ROBO2: variants seen among roughly 807,000 people sequenced by gnomAD.
ROBO2 encodes the protein roundabout guidance receptor 2.
ROBO2 carries 53 observed loss-of-function variants against 160.8 expected under a neutral mutation model. The ratio of observed to expected loss-of-function variants is 0.33; its 90% CI spans 0.26 to 0.41. ROBO2 has a LOEUF of 0.41. Ranked by LOEUF, ROBO2 falls within the 10% of genes least tolerant of loss-of-function variation. ROBO2 has a pLI of 1.00. For synonymous variants in ROBO2, 664 were observed against 611.7 expected, an observed-to-expected ratio of 1.09 and a Z score of -1.26; for missense variants, 1,577 against 1,722.4, an observed-to-expected ratio of 0.92 and a Z score of 1.49.
chr3:77,225,606 C>CTT (rs2086394957), intron 2 of ROBO2, among the ~76,000 whole-genome samples: 1 of 151,920 alleles, frequency 6.6e-6, no homozygotes, highest in South Asian at 2.1e-4. Context: ...CTCTGTGGGT[C>CTT]ATTTTTGATT....
chr3:75,995,827 G>A (rs1432038232), intron 2 of ROBO2, among the ~76,000 whole-genome samples: 6 of 152,198 alleles, frequency 3.9e-5, no homozygotes, highest in Admixed American at 2.6e-4. Flanking sequence ...TGTCCTGGAG[G>A]TGAGACTTGG....
At chr3:75,914,915 T>C (rs763441234) in intron 1 of ROBO2, among the ~76,000 whole-genome samples, 61 of 152,322 alleles carry the variant, frequency 4.0e-4, no homozygotes, top group African/African-American at 1.4e-3. Flanking sequence ...TGCGTGTACA[T>C]GTGGCCCTCA....
intron 2 of ROBO2, among the ~76,000 whole-genome samples, chr3:76,979,593 G>GGT (rs149940820): frequency 0.012 from 1,714 of 147,734 alleles, 20 homozygotes; most frequent in East Asian, 0.03. Flanking sequence ...GTGTGTGTGT[G>GGT]GTGTGTGTGT....
chr3:77,556,331 G>A (rs1286772642), intron 8 of ROBO2, among the ~76,000 whole-genome samples: 1 of 151,798 alleles, frequency 6.6e-6, no homozygotes, highest in African/African-American at 2.4e-5. Flanking sequence ...GTAAGAATTT[G>A]ATGAAAAAAG....
At chr3:76,451,312 G>C (rs1392762319) in intron 2 of ROBO2, among the ~76,000 whole-genome samples, 1 of 152,102 alleles carries the variant, frequency 6.6e-6, no homozygotes, top group Non-Finnish European at 1.5e-5. Context: ...ATTTGTTCCT[G>C]TTTTTGTAGT....
chr3:76,336,206 G>T (rs1054902321), intron 2 of ROBO2, among the ~76,000 whole-genome samples: 11 of 150,334 alleles, frequency 7.3e-5, no homozygotes, highest in African/African-American at 2.7e-4. Flanking sequence ...GATAACTTGA[G>T]ATCACTGTAT....
intron 2 of ROBO2, among the ~76,000 whole-genome samples, chr3:76,749,444 G>T (rs887874684): frequency 1.3e-4 from 20 of 152,000 alleles, no homozygotes; most frequent in African/African-American, 4.1e-4. Flanking sequence ...CTTATTAAAA[G>T]ATATCAGAGA....
intron 23 of ROBO2, chr3:77,629,710 CT>C (rs1165463751): frequency 6.6e-6 from 1 of 152,076 alleles, no homozygotes; most frequent in Non-Finnish European, 1.5e-5. Context: ...AATAAACTTT[CT>C]AAGAGTTCTT....
At chr3:77,248,546 G>T (rs981539101) in intron 2 of ROBO2, among the ~76,000 whole-genome samples, 1 of 152,174 alleles carries the variant, frequency 6.6e-6, no homozygotes, top group African/African-American at 2.4e-5. Flanking sequence ...CCTGGAGGCT[G>T]TCGCGGGGCC....
chr3:76,222,497 A>G lies in ROBO2; in HGVS notation c.109+284895A>G, dbSNP rs1704032341. Among the ~76,000 whole-genome samples the G allele has an allele frequency of 2.2e-5, 3 of 138,228 alleles. No homozygotes were observed. The South Asian group carries it at 7.1e-4, about 33-fold the overall frequency. 90.7% of individuals were successfully genotyped at this position (138,228 alleles called of 152,430 possible). On this transcript the variant is annotated intron_variant, in intron 2 of 26. Coordinates refer to the ROBO2 transcript ENST00000487694. ...CAACCCGCCCAACCCTTGAGATCTTATTGGGAAGCTGCTGATAACCAGTTT... is the reference window on the plus strand; with the variant it reads ...CAACCCGCCCAACCCTTGAGATCTTGTTGGGAAGCTGCTGATAACCAGTTT...
chr3:77,486,426 T>C (rs1560971792), intron 4 of ROBO2, among the ~76,000 whole-genome samples: 1 of 152,202 alleles, frequency 6.6e-6, no homozygotes, highest in African/African-American at 2.4e-5. Flanking sequence ...CACCAGCATC[T>C]GTTGTTACTT....
At chr3:76,863,512 C>T (rs956182911) in intron 2 of ROBO2, among the ~76,000 whole-genome samples, 4 of 151,538 alleles carry the variant, frequency 2.6e-5, no homozygotes, top group Non-Finnish European at 4.4e-5. Context: ...TTATCTATTA[C>T]GCCTTCCTAT....
intron 2 of ROBO2, among the ~76,000 whole-genome samples, chr3:77,287,447 C>A (rs1337757583): frequency 1.3e-5 from 2 of 151,966 alleles, no homozygotes; most frequent in Admixed American, 6.6e-5. Context: ...TTAAAAAGAG[C>A]AAAAGTAAAG....
Position 76,967,854 on chromosome 3 carries a change from T to A in ROBO2, c.110-130160T>A, listed in dbSNP as rs553678528. 7.2e-5 allele frequency among the ~76,000 whole-genome samples: 11 copies of A among 152,226 alleles called. No homozygotes were observed. The South Asian group carries it at 2.1e-3, about 29-fold the overall frequency. On this transcript the variant is annotated intron_variant, in intron 2 of 26. Transcript: ENST00000487694. ...GCCGTGCCTAGCCTAAAATACACAT[T>A]TTTTATGGTACTTTCTTCCCTCTTG... is the stretch of plus-strand genomic sequence containing the variant.
At chr3:76,128,722 C>A (rs1265989970) in intron 2 of ROBO2, among the ~76,000 whole-genome samples, 1 of 151,962 alleles carries the variant, frequency 6.6e-6, no homozygotes, top group Non-Finnish European at 1.5e-5. Context: ...CCCAGCAAAA[C>A]CTTCCTCAGT....
At chr3:76,281,352 A>G (rs915567466) in intron 2 of ROBO2, among the ~76,000 whole-genome samples, 4 of 152,000 alleles carry the variant, frequency 2.6e-5, no homozygotes, top group Non-Finnish European at 5.9e-5. Context: ...GGGTATATGC[A>G]TGTTTTTGAG....
intron 2 of ROBO2, among the ~76,000 whole-genome samples, chr3:76,993,428 G>T (rs1348714077): frequency 6.6e-6 from 1 of 152,122 alleles, no homozygotes; most frequent in African/African-American, 2.4e-5. Context: ...GTTTGTTCTA[G>T]ATCACTATCC....
chr3:75,994,842 C>G (rs1435387595), intron 2 of ROBO2, among the ~76,000 whole-genome samples: 1 of 152,016 alleles, frequency 6.6e-6, no homozygotes, highest in African/African-American at 2.4e-5. Flanking sequence ...ATGGCTTTGT[C>G]CAAAATGTTG....
At chr3:77,640,995 A>C (rs1032838989) in intron 24 of ROBO2, among the ~76,000 whole-genome samples, 1 of 152,214 alleles carries the variant, frequency 6.6e-6, no homozygotes, top group African/African-American at 2.4e-5. Context: ...ATGACAAGAT[A>C]AGTTATTTTG....
Sources: gnomAD v4.1 joint callset for allele counts (sites outside exome capture counted in the v4.1 genomes callset) on GRCh38, gnomAD v4.1.1 for gene constraint, MANE v1.5 for transcripts, NCBI Gene and HGNC (gene_info 2026-07-23, HGNC 2026-07-21) for gene names.